Variants in UBE2E3 observed in about 807,000 individuals in gnomAD.
UBE2E3 encodes the protein ubiquitin conjugating enzyme E2 E3.
In UBE2E3, 5 loss-of-function variants were observed where a neutral mutation model predicts 23.6. The observed-to-expected ratio is 0.21, with a 90% CI of 0.11 to 0.44. The LOEUF is 0.44. UBE2E3 is among the 20% of genes least tolerant of loss of function. The pLI, the probability that UBE2E3 is intolerant of heterozygous loss-of-function variation, is 0.99. For synonymous variants in UBE2E3, 78 were observed against 87.5 expected (o/e 0.89, Z 0.60); for missense variants, 81 against 249.8 (o/e 0.32, Z 4.55).
intron 3 of UBE2E3, among the ~76,000 whole-genome samples, chr2:181,027,872 G>A (rs1044950267): frequency 2.0e-5 from 3 of 151,920 alleles, no homozygotes; most frequent in African/African-American, 7.2e-5. Context: ...CATCAATCAT[G>A]TACTGCATAA....
intron 3 of UBE2E3, chr2:180,987,459 G>A (rs972102735): frequency 1.4e-5 from 21 of 1,508,678 alleles, no homozygotes; most frequent in East Asian, 2.5e-5. Context: ...ATATACTGAC[G>A]AATATTTTAA....
intron 3 of UBE2E3, among the ~76,000 whole-genome samples, chr2:180,991,354 T>A (rs536269876): frequency 1.3e-5 from 2 of 152,198 alleles, no homozygotes; most frequent in Non-Finnish European, 2.9e-5. Flanking sequence ...GGGTTACAAA[T>A]TAGGCACAGC....
chr2:181,026,954 T>G (rs901944469), intron 3 of UBE2E3, among the ~76,000 whole-genome samples: 1 of 151,988 alleles, frequency 6.6e-6, no homozygotes, highest in Non-Finnish European at 1.5e-5. Flanking sequence ...ATTTATAATT[T>G]TTTATGTAGA....
intron 3 of UBE2E3, among the ~76,000 whole-genome samples, chr2:181,022,112 T>G (rs1042186479): frequency 6.6e-6 from 1 of 152,204 alleles, no homozygotes; most frequent in Non-Finnish European, 1.5e-5. Flanking sequence ...GGAAAGTAAA[T>G]GGAACATTAA....
At chr2:181,059,863 T>C (rs1687092768) in intron 4 of UBE2E3, among the ~76,000 whole-genome samples, 1 of 151,694 alleles carries the variant, frequency 6.6e-6, no homozygotes, top group Admixed American at 6.6e-5. Flanking sequence ...GATTCAACTT[T>C]TGCGCTCACA....
Position 181,034,684 on chromosome 2 carries a change from A to T in UBE2E3, c.246-23009A>T, listed in dbSNP as rs77963910. ...TAGAACTTAAAGTATAATAAAAAAA[A>T]TTAAAAAGAAATTTCCTGGAACTAG... On this transcript the variant is annotated intron_variant, in intron 3 of 5. Transcript: ENST00000410062. Among the ~76,000 whole-genome samples the T allele has an allele frequency of 7.2e-4, 103 of 143,512 alleles. 2 individuals are homozygous for T. In the East Asian group the frequency reaches 0.018, roughly 26 times the overall value. 94.1% of individuals were successfully genotyped at this position (143,512 alleles called of 152,430 possible).
chr2:181,003,578 G>T (rs1225981333), intron 3 of UBE2E3, among the ~76,000 whole-genome samples: 1 of 152,174 alleles, frequency 6.6e-6, no homozygotes, highest in Middle Eastern at 3.2e-3. Flanking sequence ...ATTTTACTCA[G>T]TACCTGAATG....
At chr2:181,041,234 C>CAAAAAAAAAAAAAAAA (rs1206207155) in intron 3 of UBE2E3, among the ~76,000 whole-genome samples, 778 of 77,096 alleles carry the variant, frequency 0.01, 111 homozygotes, top group Non-Finnish European at 0.014. Context: ...GACTCCGTCT[C>CAAAAAAAAAAAAAAAA]AAAAAAAAAA....
intron 3 of UBE2E3, among the ~76,000 whole-genome samples, chr2:180,992,989 T>C (rs1014445132): frequency 6.6e-6 from 1 of 152,234 alleles, no homozygotes; most frequent in African/African-American, 2.4e-5. Context: ...TCATTTTAAA[T>C]TGATGACATT....
At chr2:181,030,872 T>C (rs939760139) in intron 3 of UBE2E3, among the ~76,000 whole-genome samples, 7 of 152,134 alleles carry the variant, frequency 4.6e-5, no homozygotes, top group African/African-American at 1.7e-4. Context: ...GTCACAAGGT[T>C]TCTATGTTTT....
intron 3 of UBE2E3, among the ~76,000 whole-genome samples, chr2:180,984,756 A>T (rs996692968): frequency 1.3e-5 from 2 of 152,306 alleles, no homozygotes; most frequent in Admixed American, 6.5e-5. Context: ...ACTCAGGTAG[A>T]TGAATTTAAG....
At chr2:181,001,887 A>G (rs1281354858) in intron 3 of UBE2E3, among the ~76,000 whole-genome samples, 2 of 152,142 alleles carry the variant, frequency 1.3e-5, no homozygotes, top group African/African-American at 4.8e-5. Flanking sequence ...TTAATCATCT[A>G]AAATGGCAAG....
chr2:180,986,257 A>G (rs1393299386), intron 3 of UBE2E3, among the ~76,000 whole-genome samples: 1 of 152,146 alleles, frequency 6.6e-6, no homozygotes, highest in East Asian at 1.9e-4. Flanking sequence ...TGTGAAAAAC[A>G]GACATACAGT....
At chr2:181,028,843 T>C (rs1685980708) in intron 3 of UBE2E3, among the ~76,000 whole-genome samples, 1 of 152,152 alleles carries the variant, frequency 6.6e-6, no homozygotes, top group African/African-American at 2.4e-5. Context: ...GGTATATTAG[T>C]GAAAAGAACT....
intron 3 of UBE2E3, among the ~76,000 whole-genome samples, chr2:181,024,090 A>T (rs971991409): frequency 1.1e-4 from 17 of 152,148 alleles, no homozygotes; most frequent in Admixed American, 1.1e-3. Flanking sequence ...GTTGTAGGTC[A>T]GGTAAACATG....
chr2:180,981,963 G>T (rs891664582), intron 1 of UBE2E3, 55 bp from the exon 2 acceptor site: 1 of 1,315,758 alleles, frequency 7.6e-7, no homozygotes, highest in Non-Finnish European at 1.0e-6. Flanking sequence ...AATGCTGTTG[G>T]TTTATTTCCT....
At chr2:180,980,517 G>A (rs1179019856), upstream of UBE2E3, 2 of 148,124 alleles carry the variant, frequency 1.4e-5, no homozygotes, top group Non-Finnish European at 3.0e-5. This position sits in a 1 kb window ranked among gnomAD's most constrained non-coding sequence, Gnocchi z 5.5. Context: ...CGCGCCCGCC[G>A]GGCGTCGGCG....
At chr2:181,059,513 A>G (rs1395134777) in intron 4 of UBE2E3, among the ~76,000 whole-genome samples, 2 of 151,790 alleles carry the variant, frequency 1.3e-5, no homozygotes, top group Admixed American at 6.6e-5. Context: ...AACAATTTTA[A>G]TACTATATTA....
chr2:181,041,141 G>C (rs2105665853), intron 3 of UBE2E3, among the ~76,000 whole-genome samples: 1 of 150,192 alleles, frequency 6.7e-6, no homozygotes, highest in African/African-American at 2.4e-5. Context: ...CCAGCTACTT[G>C]GGTGGCTGAG....
Sources: gnomAD v4.1 joint callset for allele counts (sites outside exome capture counted in the v4.1 genomes callset) on GRCh38, gnomAD v4.1.1 for gene constraint, Gnocchi (gnomAD v3.1) non-coding constraint, MANE v1.5 for transcripts, NCBI Gene and HGNC (gene_info 2026-07-23, HGNC 2026-07-21) for gene names.